SEMA4G: variants seen among roughly 807,000 people sequenced by gnomAD.
SEMA4G encodes the protein semaphorin-4G.
A neutral mutation model predicts 81.2 loss-of-function variants in SEMA4G; 59 were observed. That is an observed-to-expected ratio of 0.73 (90% CI 0.59 to 0.90). SEMA4G has a LOEUF of 0.90. Ranked by LOEUF, SEMA4G falls within the 40% of genes least tolerant of loss-of-function variation. The probability of loss-of-function intolerance (pLI) is 0.00; values close to 1 mark genes in which losing one functional copy is unlikely to be tolerated. For synonymous variants in SEMA4G, 404 were observed against 433.9 expected (o/e 0.93, Z 0.86); for missense variants, 952 against 1,102.3 (o/e 0.86, Z 1.93).
chr10:100,972,438 T>C (rs571369584), upstream of SEMA4G: 1 of 154,684 alleles, frequency 6.5e-6, no homozygotes, highest in African/African-American at 2.4e-5. Flanking sequence ...TGGGCCTCCT[T>C]CTTTCAGTGC....
chr10:100,981,539 G>GAT (rs780373864), intron 13 of SEMA4G: 11 of 1,613,964 alleles, frequency 6.8e-6, no homozygotes, highest in Non-Finnish European at 9.3e-6. Flanking sequence ...TGACTGAACT[G>GAT]ATATCTGAAG....
Position 100,973,637 on chromosome 10 carries a change from C to T in SEMA4G, c.336+28C>T. ...ATGTGGTCTGCCCTGTCCCCAGCTC[C>T]TTTCCTCCCCTTCTTCCTCAATCAG... On this transcript the variant is annotated intron_variant, in intron 3 of 13. Coordinates refer to ENST00000370250, the Ensembl canonical transcript of SEMA4G. The surrounding 1 kb of genome is among the most constrained non-coding windows in gnomAD (Gnocchi z 5.5). 3 of 1,604,220 alleles carry T rather than the reference C, an allele frequency of 1.9e-6. No homozygotes were observed. The South Asian group carries it at 3.3e-5, about 18-fold the overall frequency.
chr10:100,977,190 T>C (rs1382602835), intron 3 of SEMA4G, among the ~76,000 whole-genome samples: 1 of 152,108 alleles, frequency 6.6e-6, no homozygotes, highest in Non-Finnish European at 1.5e-5. Context: ...GTTTGAAACA[T>C]CCCTGGGATA....
chr10:100,970,010 G>C (rs1421056764), upstream of SEMA4G: 18 of 418,480 alleles, frequency 4.3e-5, 1 homozygote, highest in South Asian at 2.2e-4. Flanking sequence ...CTCAAGCCAG[G>C]AGAGACCGCC....
chr10:100,979,151 T>C, exon 8 of SEMA4G: 1 of 1,614,194 alleles, frequency 6.2e-7, no homozygotes. Context: ...ACTTCCTTCC[T>C]GAAAGCCCGT....
At chr10:100,969,811 C>G (rs1335467398), upstream of SEMA4G, 1 of 448,612 alleles carries the variant, frequency 2.2e-6, no homozygotes, top group Admixed American at 2.4e-5. Flanking sequence ...CGGGGACCAG[C>G]GCGGGGAGGG....
chr10:100,983,154 T>G (rs1255098202), intron 13 of SEMA4G, 151 bp from the exon 15 acceptor site: 1 of 955,036 alleles, frequency 1.0e-6, no homozygotes, highest in East Asian at 2.7e-5. Flanking sequence ...GAACCTTCTG[T>G]GGAAGCATGA....
At chr10:100,976,325 A>G (rs1262302532) in intron 3 of SEMA4G, among the ~76,000 whole-genome samples, 1 of 152,156 alleles carries the variant, frequency 6.6e-6, no homozygotes, top group African/African-American at 2.4e-5. Context: ...GGGACTCTAT[A>G]TTCAGGTCAC....
chr10:100,984,106 A>T, exon 14 of SEMA4G: 3 of 1,612,618 alleles, frequency 1.9e-6, no homozygotes, highest in Non-Finnish European at 2.5e-6. Flanking sequence ...CAGCTCGTGG[A>T]GCAGCTAGAT....
At chr10:100,969,649 G>T (rs1254904034), upstream of SEMA4G, 2 of 327,324 alleles carry the variant, frequency 6.1e-6, no homozygotes, top group African/African-American at 4.4e-5. Context: ...CTGCGGGCCG[G>T]GGGTCGGGCA....
At chr10:100,978,970 T>C (rs1382158574) in exon 7 of SEMA4G, 3 of 1,614,138 alleles carry the variant, frequency 1.9e-6, no homozygotes, top group Admixed American at 3.3e-5. Context: ...GCAGCTTCAC[T>C]CAGAGCCGCA....
At chr10:100,980,251 C>G in exon 10 of SEMA4G, 2 of 1,614,242 alleles carry the variant, frequency 1.2e-6, no homozygotes, top group Non-Finnish European at 1.7e-6. Flanking sequence ...ACGGCCCCTG[C>G]TGCTCAAGCG....
At position 100,984,096 on chromosome 10, in the gene SEMA4G, C is replaced by T. The variant is rs1851292761; in HGVS notation, c.2482C>T (p.Gln828Ter). ...CATCCTGGAAAAAAGGAAGCACACG[C>T]AGCTCGTGGAGCAGCTAGATGAGAG... The change falls in exon 14 of 14, where the codon CAG becomes TAG. Residue 828 changes from glutamine to a stop codon, truncating the protein, a stop_gained. Coordinates refer to ENST00000370250, the Ensembl canonical transcript of SEMA4G. LOFTEE classifies it high-confidence loss of function. 6.2e-7 allele frequency: 1 copy of T among 1,613,120 alleles called. No individual in the cohort carries two copies. Among genetic ancestry groups the T allele is most frequent in the African/African-American group, 1.3e-5 (1 of 74,910 alleles).
At chr10:100,980,824 C>T (rs773503586) in exon 12 of SEMA4G, 1 of 1,567,736 alleles carries the variant, frequency 6.4e-7, no homozygotes, top group Admixed American at 2.0e-5. Context: ...GCTCCCAGCA[C>T]AGCCTCTATG....
chr10:100,971,783 G>A (rs934640307), upstream of SEMA4G, among the ~76,000 whole-genome samples: 4 of 152,160 alleles, frequency 2.6e-5, no homozygotes, highest in East Asian at 1.9e-4. Context: ...AAGATGTGTC[G>A]GGAGGGGCCA....
At position 100,973,284 on chromosome 10, in the gene SEMA4G, C is replaced by T; in HGVS notation, c.273+7C>T. 1 of 1,612,152 alleles carries T rather than the reference C, an allele frequency of 6.2e-7. No individual in the cohort carries two copies. ...AGATGGGGCTCACAAAGAGGTCAGG[C>T]CCTGGAACCTGGACCACCCAGAGGG... On this transcript the variant is annotated splice_region_variant and intron_variant, in intron 2 of 13. Transcript: ENST00000370250. This position sits in a 1 kb window ranked among gnomAD's most constrained non-coding sequence, Gnocchi z 5.5.
At chr10:100,980,305 C>T in exon 10 of SEMA4G, 1 of 1,614,228 alleles carries the variant, frequency 6.2e-7, no homozygotes, top group Non-Finnish European at 8.5e-7. Context: ...TGTCACCACG[C>T]CTGCTGGACC....
exon 14 of SEMA4G, chr10:100,984,668 C>T: frequency 2.6e-6 from 4 of 1,536,282 alleles, no homozygotes; most frequent in South Asian, 2.4e-5. Flanking sequence ...CTCACCTTCT[C>T]CTGGTGCATT....
intron 13 of SEMA4G, among the ~76,000 whole-genome samples, chr10:100,982,578 G>T (rs1851151118): frequency 6.6e-6 from 1 of 152,220 alleles, no homozygotes; most frequent in Non-Finnish European, 1.5e-5. Flanking sequence ...GATCACTTGA[G>T]GTCAGGAGTT....
Sources: gnomAD v4.1 joint callset for allele counts (sites outside exome capture counted in the v4.1 genomes callset) on GRCh38, gnomAD v4.1.1 for gene constraint, Gnocchi (gnomAD v3.1) non-coding constraint, MANE v1.5 for transcripts, NCBI Gene and HGNC (gene_info 2026-07-23, HGNC 2026-07-21) for gene names.